Variants in MTUS2 observed in about 807,000 individuals in gnomAD.
MTUS2 encodes the protein microtubule associated scaffold protein 2, also known as microtubule-associated tumor suppressor candidate 2.
A neutral mutation model predicts 114.1 loss-of-function variants in MTUS2; 40 were observed. That is an observed-to-expected ratio of 0.35 (90% CI 0.27 to 0.46). MTUS2 has a LOEUF of 0.46. Among genes scored for constraint, MTUS2 ranks in the 20% least tolerant of loss-of-function variants. MTUS2 has a pLI of 1.00. For synonymous variants in MTUS2, 688 were observed against 672.0 expected, an observed-to-expected ratio of 1.02 and a Z score of -0.37; for missense variants, 1,679 against 1,705.4, an observed-to-expected ratio of 0.98 and a Z score of 0.27.
At chr13:29,313,616 A>G (rs1899864714) in intron 6 of MTUS2, among the ~76,000 whole-genome samples, 1 of 152,242 alleles carries the variant, frequency 6.6e-6, no homozygotes, top group Non-Finnish European at 1.5e-5. Context: ...CCATAAAAAC[A>G]ACAGAGAAAT....
intron 6 of MTUS2, among the ~76,000 whole-genome samples, chr13:29,301,281 G>GTGATTC (rs1017013867): frequency 1.3e-5 from 2 of 152,180 alleles, no homozygotes; most frequent in Admixed American, 6.5e-5. Flanking sequence ...CTGGAATGGG[G>GTGATTC]TGATTCTGAT....
At chr13:29,501,969 T>A (rs1325968198) in intron 15 of MTUS2, among the ~76,000 whole-genome samples, 4 of 152,234 alleles carry the variant, frequency 2.6e-5, no homozygotes, top group Admixed American at 6.5e-5. Context: ...CACTCACACG[T>A]GCATGCTTTT....
intron 2 of MTUS2, among the ~76,000 whole-genome samples, chr13:28,994,368 G>A (rs1307089009): frequency 6.6e-6 from 1 of 152,194 alleles, no homozygotes; most frequent in African/African-American, 2.4e-5. Context: ...ACATACGTGT[G>A]CATGCGTCTT....
intron 9 of MTUS2, among the ~76,000 whole-genome samples, chr13:29,474,904 C>T (rs2138862607): frequency 6.6e-6 from 1 of 152,312 alleles, no homozygotes; most frequent in African/African-American, 2.4e-5. Flanking sequence ...TCCACCTACA[C>T]AAGCCAACTT....
At chr13:29,196,587 T>G (rs1035483390) in intron 5 of MTUS2, among the ~76,000 whole-genome samples, 2 of 152,130 alleles carry the variant, frequency 1.3e-5, no homozygotes, top group African/African-American at 4.8e-5. Flanking sequence ...CTTGCAGAAC[T>G]GAAACCTTTT....
At chr13:29,211,232 G>T (rs1385189579) in intron 5 of MTUS2, among the ~76,000 whole-genome samples, 2 of 151,940 alleles carry the variant, frequency 1.3e-5, no homozygotes, top group African/African-American at 2.4e-5. Context: ...GCTGGGTCAC[G>T]CAGGTTGCCA....
intron 8 of MTUS2, among the ~76,000 whole-genome samples, chr13:29,365,510 TTG>T (rs56164752): frequency 2.7e-5 from 4 of 146,822 alleles, no homozygotes; most frequent in South Asian, 2.2e-4. Flanking sequence ...TTGTTTGGGT[TTG>T]TGTGTGTGTG....
At chr13:29,357,481 G>T (rs78756760) in intron 7 of MTUS2, among the ~76,000 whole-genome samples, 1 of 152,132 alleles carries the variant, frequency 6.6e-6, no homozygotes, top group African/African-American at 2.4e-5. Context: ...ATAAAATCAC[G>T]AGCCACAGCA....
At chr13:29,380,568 G>A (rs1872124209) in intron 8 of MTUS2, among the ~76,000 whole-genome samples, 2 of 152,204 alleles carry the variant, frequency 1.3e-5, no homozygotes, top group African/African-American at 4.8e-5. Flanking sequence ...GCTAGAAGAA[G>A]GAACACACGA....
intron 2 of MTUS2, among the ~76,000 whole-genome samples, chr13:28,985,554 G>A (rs912096206): frequency 3.1e-4 from 44 of 140,044 alleles, no homozygotes; most frequent in African/African-American, 1.2e-3. Flanking sequence ...TCGAAGAAAT[G>A]GTATTCTTTT....
rs151061666 is a variant in MTUS2 at position 29,488,604 on chromosome 13, C to T, written c.3505+599C>T. Among the ~76,000 whole-genome samples the T allele has an allele frequency of 3.8e-3, 578 of 152,124 alleles. 4 individuals are homozygous for T. The highest frequency in any genetic ancestry group is 6.4e-3 in the Non-Finnish European group (436 of 67,984). On this transcript the variant is annotated intron_variant, in intron 11 of 15. Transcript: ENST00000612955. ...TAGCTGGGATTACAGGTGCCCACTA[C>T]CACACCCGGCTAGGCTTTATGATGT...
At position 29,375,379 on chromosome 13, in the gene MTUS2, A is replaced by G. The variant is rs113251860; in HGVS notation, c.3117+15906A>G. ...CTTACTTTTAATGGCAAAAACCGCAATTACTTACTTTTAATGGCAAAAACC... is the reference window on the plus strand; with the variant it reads ...CTTACTTTTAATGGCAAAAACCGCAGTTACTTACTTTTAATGGCAAAAACC... On this transcript the variant is annotated intron_variant, in intron 8 of 15. Coordinates refer to ENST00000612955, the MANE Select transcript of MTUS2 (RefSeq NM_001033602.4). Among the ~76,000 whole-genome samples the G allele has an allele frequency of 3.2e-3, 443 of 138,450 alleles. 33 individuals are homozygous for G. The highest frequency in any genetic ancestry group is 5.5e-3 in the Non-Finnish European group (348 of 63,720). The allele number at this position is 138,450 out of a possible 152,430, so 90.8% of individuals were successfully genotyped here.
chr13:29,190,985 G>C (rs1293236452), intron 5 of MTUS2, among the ~76,000 whole-genome samples: 2 of 152,130 alleles, frequency 1.3e-5, no homozygotes, highest in Non-Finnish European at 2.9e-5. Flanking sequence ...TTATAAGAGA[G>C]CCTTTTTGGG....
At chr13:29,161,177 A>C (rs777762115) in intron 5 of MTUS2, among the ~76,000 whole-genome samples, 1 of 152,186 alleles carries the variant, frequency 6.6e-6, no homozygotes, top group Non-Finnish European at 1.5e-5. Context: ...CATACACACA[A>C]ATGAGTTTAG....
At chr13:28,839,088 A>C (rs1054321428) in intron 1 of MTUS2, among the ~76,000 whole-genome samples, 1 of 152,144 alleles carries the variant, frequency 6.6e-6, no homozygotes, top group East Asian at 1.9e-4. Flanking sequence ...GTATAAGTCA[A>C]CCTAATAATA....
At chr13:29,131,493 C>T (rs1282277462) in intron 5 of MTUS2, among the ~76,000 whole-genome samples, 4 of 152,258 alleles carry the variant, frequency 2.6e-5, no homozygotes. Context: ...TGAGGCCCAG[C>T]TCAGGAGGAC....
intron 5 of MTUS2, among the ~76,000 whole-genome samples, chr13:29,274,311 C>T (rs1415207169): frequency 2.0e-5 from 3 of 152,150 alleles, no homozygotes; most frequent in Non-Finnish European, 2.9e-5. Context: ...GGGGTTTCAC[C>T]GTGTTAGTCA....
At chr13:29,368,132 GT>G (rs1378962336) in intron 8 of MTUS2, among the ~76,000 whole-genome samples, 3 of 151,724 alleles carry the variant, frequency 2.0e-5, no homozygotes, top group African/African-American at 7.3e-5. Context: ...TGGAGACAGG[GT>G]TTCACCATGT....
intron 3 of MTUS2, among the ~76,000 whole-genome samples, chr13:29,031,495 A>C (rs1484610421): frequency 6.6e-6 from 1 of 151,978 alleles, no homozygotes; most frequent in African/African-American, 2.4e-5. Flanking sequence ...AAAAATCTGC[A>C]GGGCAGGACA....
Sources: allele counts gnomAD v4.1 joint callset (sites outside exome capture counted in the v4.1 genomes callset), GRCh38; gene constraint gnomAD v4.1.1; transcripts MANE v1.5; gene names NCBI Gene and HGNC (gene_info 2026-07-23, HGNC 2026-07-21).